STX7: variants seen among roughly 807,000 people sequenced by gnomAD.
The protein encoded by STX7 is syntaxin-7.
STX7 carries 34 observed loss-of-function variants against 39.6 expected under a neutral mutation model. The observed-to-expected ratio is 0.86, with a 90% CI of 0.65 to 1.14. The LOEUF (loss-of-function observed/expected upper bound fraction) is 1.14. Among genes scored for constraint, STX7 ranks in the 50% most tolerant of loss-of-function variants. The pLI is 0.00. For synonymous variants in STX7, 119 were observed against 99.1 expected (o/e 1.20, Z -1.19); for missense variants, 284 against 310.4 (o/e 0.92, Z 0.64).
rs1774246137 is a variant in STX7, at chr6:132,456,447, C to T, written c.*4311G>A. Reference sequence around the variant, plus strand: ...AGGAAGCTTATTCTTTTGGTTCACTCTTAGAACACTATGCCCAGGCATGTA... The same window carrying T: ...AGGAAGCTTATTCTTTTGGTTCACTTTTAGAACACTATGCCCAGGCATGTA... On this transcript the variant is annotated 3_prime_UTR_variant, in exon 10 of 10. Transcript: ENST00000367941. 6.6e-6 allele frequency: 1 copy of T among 152,168 alleles called. No individual in the cohort carries two copies. The highest frequency in any genetic ancestry group is 2.1e-4 in the South Asian group (1 of 4,824). 9.4% of individuals were successfully genotyped at this position (152,168 alleles called of 1,614,324 possible).
intron 2 of STX7, among the ~76,000 whole-genome samples, chr6:132,480,633 G>C (rs1388955612): frequency 1.3e-5 from 2 of 152,148 alleles, no homozygotes; most frequent in Non-Finnish European, 2.9e-5. Flanking sequence ...AGATGAACTG[G>C]AGGGGGCCTG....
At chr6:132,488,699 A>T (rs865837370) in intron 2 of STX7, among the ~76,000 whole-genome samples, 2 of 152,226 alleles carry the variant, frequency 1.3e-5, no homozygotes, top group East Asian at 3.8e-4. Context: ...TCAATTGACA[A>T]AAGATAGTTA....
Position 132,451,624 on chromosome 6 carries a change from T to A in STX7, c.*9134A>T, listed in dbSNP as rs896099763. The A allele has an allele frequency of 6.6e-6, 1 of 151,972 alleles. No individual in the cohort carries two copies. Among genetic ancestry groups the A allele is most frequent in the Non-Finnish European group, 1.5e-5 (1 of 68,012 alleles). The allele number at this position is 151,972 out of a possible 1,614,324, so 9.4% of individuals were successfully genotyped here. A position where few individuals can be genotyped will look rare whatever the true frequency, so the allele number is the denominator to read the frequency against. On this transcript the variant is annotated 3_prime_UTR_variant, in exon 10 of 10. Coordinates refer to ENST00000367941, the MANE Select transcript of STX7 (RefSeq NM_003569.3). ...TGAAGGAGTTTTGGAATATCAGACA[T>A]CAAAAGTCTAACAAAAAATACAACC...
At chr6:132,506,442 C>G (rs1479551457) in intron 1 of STX7, among the ~76,000 whole-genome samples, 1 of 152,038 alleles carries the variant, frequency 6.6e-6, no homozygotes, top group African/African-American at 2.4e-5. Flanking sequence ...GGGCAAAGCA[C>G]ATGAATAGAC....
At chr6:132,477,734 G>A (rs771982759) in intron 2 of STX7, among the ~76,000 whole-genome samples, 6 of 152,034 alleles carry the variant, frequency 3.9e-5, no homozygotes, top group Non-Finnish European at 8.8e-5. Flanking sequence ...TACAAAAAAT[G>A]TGTACATATA....
intron 2 of STX7, among the ~76,000 whole-genome samples, chr6:132,498,975 GC>G (rs1018955682): frequency 2.0e-5 from 3 of 151,764 alleles, no homozygotes; most frequent in African/African-American, 2.4e-5. Flanking sequence ...CTTCTTTCCC[GC>G]CCATTCTCTA....
chr6:132,471,900 T>A (rs943540917), intron 4 of STX7, among the ~76,000 whole-genome samples: 1 of 152,184 alleles, frequency 6.6e-6, no homozygotes, highest in African/African-American at 2.4e-5. Context: ...CTTATACTTT[T>A]AGCTAAGTAA....
intron 1 of STX7, among the ~76,000 whole-genome samples, chr6:132,510,675 A>G (rs1363925649): frequency 6.6e-6 from 1 of 152,248 alleles, no homozygotes; most frequent in East Asian, 1.9e-4. Flanking sequence ...TTCATAGACC[A>G]CTTCCATTAT....
chr6:132,502,508 A>G (rs1246039531), intron 2 of STX7, among the ~76,000 whole-genome samples: 1 of 152,262 alleles, frequency 6.6e-6, no homozygotes, highest in Non-Finnish European at 1.5e-5. Context: ...CAAATCTGCT[A>G]TAATGATTTT....
chr6:132,507,904 C>T (rs1011318815), intron 1 of STX7, among the ~76,000 whole-genome samples: 18 of 152,214 alleles, frequency 1.2e-4, no homozygotes, highest in African/African-American at 4.1e-4. Flanking sequence ...AGTCGCACAT[C>T]CATGTCTCCA....
chr6:132,509,474 T>TG (rs1562343548), intron 1 of STX7, among the ~76,000 whole-genome samples: 3 of 69,242 alleles, frequency 4.3e-5, no homozygotes, highest in African/African-American at 1.6e-4. Flanking sequence ...TAACATAACA[T>TG]AACATAACAT....
intron 2 of STX7, among the ~76,000 whole-genome samples, chr6:132,494,368 A>G (rs140639915): frequency 6.6e-6 from 1 of 152,344 alleles, no homozygotes; most frequent in Non-Finnish European, 1.5e-5. Context: ...AGGTTTTAGT[A>G]GGAAAGTAAA....
At chr6:132,492,616 T>C (rs1775321548) in intron 2 of STX7, among the ~76,000 whole-genome samples, 1 of 152,178 alleles carries the variant, frequency 6.6e-6, no homozygotes, top group Admixed American at 6.5e-5. Flanking sequence ...CCATGTTATA[T>C]GAACCAGACT....
chr6:132,466,213 A>AATCCTC (rs1774560644), intron 8 of STX7, among the ~76,000 whole-genome samples: 1 of 152,162 alleles, frequency 6.6e-6, no homozygotes, highest in Admixed American at 6.5e-5. Flanking sequence ...GTCAAATCTT[A>AATCCTC]ATCCTCATTT....
At chr6:132,500,837 A>G (rs1337902417) in intron 2 of STX7, among the ~76,000 whole-genome samples, 2 of 152,194 alleles carry the variant, frequency 1.3e-5, no homozygotes, top group Admixed American at 1.3e-4. Flanking sequence ...CTGGTCACTG[A>G]TAAGGAATCT....
At position 132,471,530 on chromosome 6, in the gene STX7, A is replaced by G. The variant is rs752556609; in HGVS notation, c.320T>C (p.Val107Ala). 2 of 1,614,076 alleles carry G rather than the reference A, an allele frequency of 1.2e-6. No homozygotes were observed. Among genetic ancestry groups the G allele is most frequent in the Admixed American group, 3.3e-5 (2 of 60,014 alleles). ...CTCTCGCTCAGCAGCCTGCCTCTGG[A>G]CCTTCTGGAAGTTTGTCAGTGATGT... ...FTTSLTNFQK[V>A]QRQAAEREKE... Residue 107 changes from valine to alanine, a missense_variant, in exon 5 of 10, where the codon GTC becomes GCC. By Grantham distance (64) the Val-to-Ala change is moderately conservative (BLOSUM62 0). Coordinates refer to ENST00000367941, the MANE Select transcript of STX7 (RefSeq NM_003569.3).
Position 132,460,450 on chromosome 6 carries a change from C to A in STX7, c.*308G>T, listed in dbSNP as rs894284424. The stretch of plus-strand genomic sequence containing the variant: ...ACACACCTTTAAATTTACGAATTCC[C>A]AAAACTAAGTCAAGCAGGGTAAATA... On this transcript the variant is annotated 3_prime_UTR_variant, in exon 10 of 10. Coordinates refer to ENST00000367941, the MANE Select transcript of STX7 (RefSeq NM_003569.3). The A allele has an allele frequency of 3.1e-5, 6 of 192,646 alleles. No homozygotes were observed. The highest frequency in any genetic ancestry group is 6.3e-5 in the Non-Finnish European group (6 of 94,804). 11.9% of individuals were successfully genotyped at this position (192,646 alleles called of 1,614,324 possible).
intron 5 of STX7, among the ~76,000 whole-genome samples, chr6:132,471,170 T>C (rs776543965): frequency 1.5e-4 from 23 of 152,220 alleles, no homozygotes; most frequent in Non-Finnish European, 2.6e-4. Flanking sequence ...ACCAAGACGA[T>C]GTGAGAATAC....
intron 1 of STX7, among the ~76,000 whole-genome samples, chr6:132,505,759 A>C (rs1775688613): frequency 6.7e-6 from 1 of 150,248 alleles, no homozygotes; most frequent in Non-Finnish European, 1.5e-5. Context: ...AAAAAAAAAA[A>C]AAAAACACAG....
Sources: allele counts gnomAD v4.1 joint callset (sites outside exome capture counted in the v4.1 genomes callset), GRCh38; gene constraint gnomAD v4.1.1; transcripts MANE v1.5; gene names NCBI Gene and HGNC (gene_info 2026-07-23, HGNC 2026-07-21).